GNAT3: variants seen among roughly 807,000 people sequenced by gnomAD.
GNAT3 encodes guanine nucleotide-binding protein G(t) subunit alpha-3.
Under a neutral mutation model 37.7 loss-of-function variants are expected in GNAT3, and 31 were observed. The ratio of observed to expected loss-of-function variants is 0.82; its 90% CI spans 0.62 to 1.11. The LOEUF is 1.11. Among genes scored for constraint, GNAT3 ranks in the 50% most tolerant of loss-of-function variants. The probability of loss-of-function intolerance (pLI) is 0.00; values close to 1 mark genes in which losing one functional copy is unlikely to be tolerated. For synonymous variants in GNAT3, 138 were observed against 139.8 expected (o/e 0.99, Z 0.09); for missense variants, 437 against 412.5 (o/e 1.06, Z -0.51).
intron 5 of GNAT3, among the ~76,000 whole-genome samples, chr7:80,471,391 C>T (rs981229093): frequency 6.6e-5 from 10 of 151,704 alleles, no homozygotes; most frequent in African/African-American, 2.4e-4. Flanking sequence ...TATTAACCAC[C>T]ACATACTCAT....
intron 1 of GNAT3, among the ~76,000 whole-genome samples, chr7:80,495,645 A>T (rs1478458557): frequency 2.0e-5 from 3 of 151,512 alleles, no homozygotes; most frequent in African/African-American, 7.3e-5. Flanking sequence ...AATTTTTTGT[A>T]GTTTAGTAGA....
Position 80,459,048 on chromosome 7 carries a change from A to T in GNAT3, c.875-187T>A, listed in dbSNP as rs529853400. Among the ~76,000 whole-genome samples, 8 of 152,302 alleles carry T rather than the reference A, an allele frequency of 5.3e-5. No individual in the cohort carries two copies. The South Asian group carries it at 1.7e-3, about 32-fold the overall frequency. On this transcript the variant is annotated intron_variant, in intron 7 of 7. Coordinates refer to ENST00000398291, the MANE Select transcript of GNAT3 (RefSeq NM_001102386.3). ...CCCCTTTGGGAGCTCCCGGTGGCTA[A>T]AAGGTAAACTTTGCATCAAAAAGCT... is the stretch of plus-strand genomic sequence containing the variant.
chr7:80,499,376 C>T (rs1007139403), intron 1 of GNAT3, among the ~76,000 whole-genome samples: 2 of 151,994 alleles, frequency 1.3e-5, no homozygotes, highest in Non-Finnish European at 2.9e-5. Context: ...AGTATGAGAG[C>T]GGTGTACTTT....
chr7:80,499,916 A>C (rs1016433283), intron 1 of GNAT3, among the ~76,000 whole-genome samples: 2 of 152,192 alleles, frequency 1.3e-5, no homozygotes, highest in African/African-American at 4.8e-5. Flanking sequence ...AACATACACT[A>C]ATATATAGTG....
At chr7:80,469,702 A>G (rs1051538159) in intron 5 of GNAT3, among the ~76,000 whole-genome samples, 66 of 152,258 alleles carry the variant, frequency 4.3e-4, no homozygotes, top group African/African-American at 1.5e-3. Flanking sequence ...CTATGTGAAT[A>G]CAAATCAATG....
At chr7:80,487,942 TA>T (rs547109253) in intron 3 of GNAT3, among the ~76,000 whole-genome samples, 13 of 152,152 alleles carry the variant, frequency 8.5e-5, no homozygotes, top group Non-Finnish European at 1.8e-4. Context: ...TAATGTAAAA[TA>T]ATTAGATAGC....
intron 3 of GNAT3, among the ~76,000 whole-genome samples, chr7:80,485,118 G>A (rs7796785): frequency 0.13 from 20,319 of 150,796 alleles, 3,620 homozygotes; most frequent in African/African-American, 0.41. Flanking sequence ...TTACTCTTCT[G>A]TCCTCTCCCT....
At chr7:80,483,809 T>C (rs1158680229) in intron 3 of GNAT3, among the ~76,000 whole-genome samples, 1 of 152,128 alleles carries the variant, frequency 6.6e-6, no homozygotes, top group East Asian at 1.9e-4. Context: ...CCTTCTCTAA[T>C]CATCCTTTCT....
At chr7:80,473,136 CG>C (rs1562722400) in intron 5 of GNAT3, among the ~76,000 whole-genome samples, 1 of 152,128 alleles carries the variant, frequency 6.6e-6, no homozygotes, top group Non-Finnish European at 1.5e-5. Context: ...CCAAGACTGA[CG>C]ACAAACTTTT....
chr7:80,496,853 C>CTT (rs34567388), intron 1 of GNAT3, among the ~76,000 whole-genome samples: 1 of 136,970 alleles, frequency 7.3e-6, no homozygotes, highest in Non-Finnish European at 1.6e-5. Flanking sequence ...GACAACTTTT[C>CTT]TTTTTTTTTT....
intron 4 of GNAT3, 121 bp downstream of exon 4, chr7:80,478,720 C>T: frequency 2.1e-6 from 2 of 931,294 alleles, no homozygotes; most frequent in Non-Finnish European, 3.2e-6. Flanking sequence ...TTATTTTACT[C>T]TAATAAAATG....
chr7:80,487,667 A>AT (rs1378311942), intron 3 of GNAT3: 1 of 151,978 alleles, frequency 6.6e-6, no homozygotes, highest in Non-Finnish European at 1.5e-5. Context: ...TTTGCTCTCT[A>AT]TTTTTATTGT....
At chr7:80,508,439 A>C (rs1406257085) in intron 1 of GNAT3, among the ~76,000 whole-genome samples, 1 of 152,076 alleles carries the variant, frequency 6.6e-6, no homozygotes, top group Non-Finnish European at 1.5e-5. Context: ...AAACGTTTAT[A>C]AAACTTTAAA....
chr7:80,461,750 A>C (rs1361423091), intron 7 of GNAT3, among the ~76,000 whole-genome samples: 1 of 152,166 alleles, frequency 6.6e-6, no homozygotes, highest in Non-Finnish European at 1.5e-5. Flanking sequence ...CATTCATGCT[A>C]TATCTCTAGA....
chr7:80,486,543 C>T (rs867799132), intron 3 of GNAT3: 7 of 149,514 alleles, frequency 4.7e-5, no homozygotes, highest in African/African-American at 1.7e-4. Context: ...CTCCCAAGCT[C>T]AAGTGAATCT....
chr7:80,465,943 G>T (rs1215170679), intron 5 of GNAT3, among the ~76,000 whole-genome samples: 1 of 152,040 alleles, frequency 6.6e-6, no homozygotes. Context: ...GGATTTGGGG[G>T]ACCTGAGGGT....
At chr7:80,472,151 C>T (rs1169708974) in intron 5 of GNAT3, among the ~76,000 whole-genome samples, 1 of 151,972 alleles carries the variant, frequency 6.6e-6, no homozygotes, top group Non-Finnish European at 1.5e-5. Flanking sequence ...AAAAGGAAAG[C>T]AATGTGATGT....
Position 80,511,882 on chromosome 7 carries a change from T to A in GNAT3, c.45A>T (p.Arg15Ser), listed in dbSNP as rs769238589. The A allele has an allele frequency of 8.7e-6, 14 of 1,612,284 alleles. No homozygotes were observed. In the Admixed American group the frequency reaches 2.3e-4, roughly 27 times the overall value. ...GAAGCTTTTTCTCCAGTTCTTTTGA[T>A]CTTTTGGCTGACTCCTTGCTCTCTG... ...ISSESKESAK[R>S]SKELEKKLQE... The change falls in exon 1 of 8, where the codon AGA (arginine) becomes AGT (serine). Residue 15 changes from arginine to serine, a missense_variant. Physicochemically the swap from Arg to Ser is moderately radical, Grantham distance 110 (BLOSUM62 -1). Transcript: ENST00000398291.
intron 5 of GNAT3, among the ~76,000 whole-genome samples, chr7:80,471,332 C>T (rs1235020768): frequency 6.6e-6 from 1 of 151,590 alleles, no homozygotes; most frequent in Non-Finnish European, 1.5e-5. Context: ...CAGAGACACA[C>T]CCAAGATCAA....
Sources: gnomAD v4.1 joint callset for allele counts (sites outside exome capture counted in the v4.1 genomes callset) on GRCh38, gnomAD v4.1.1 for gene constraint, MANE v1.5 for transcripts, NCBI Gene and HGNC (gene_info 2026-07-23, HGNC 2026-07-21) for gene names.